Variants in CNTNAP4 observed in about 807,000 individuals in gnomAD.
CNTNAP4 encodes contactin-associated protein-like 4.
Under a neutral mutation model 148.4 loss-of-function variants are expected in CNTNAP4, and 98 were observed. That is an observed-to-expected ratio of 0.66 (90% CI 0.56 to 0.78). CNTNAP4 has a LOEUF of 0.78. CNTNAP4 is among the 30% of genes least tolerant of loss of function. The pLI is 0.00. For missense variants in CNTNAP4, 1,935 were observed against 1,565.6 expected (o/e 1.24, Z -3.98); for synonymous variants, 730 against 565.1 (o/e 1.29, Z -4.14).
In CNTNAP4 at chr16:76,277,479, GGAGA is replaced by G. The variant is rs1958519157; in HGVS notation, c.-179_-176del. 3.5e-6 allele frequency: 2 copies of G among 578,196 alleles called. No individual in the cohort carries two copies. The highest frequency in any genetic ancestry group is 6.1e-6 in the Non-Finnish European group (2 of 325,524). 35.8% of individuals were successfully genotyped at this position (578,196 alleles called of 1,614,324 possible). On this transcript the variant is annotated 5_prime_UTR_variant, in exon 1 of 24. Transcript: ENST00000611870. ...GAGACAGAGACGGGGAGAGAGAGAG[GGAGA>G]GAGAAGAGAGGGAGGAGGGAAGAAG... is the stretch of plus-strand genomic sequence containing the variant.
intron 8 of CNTNAP4, among the ~76,000 whole-genome samples, chr16:76,454,111 CTT>C (rs11302612): frequency 6.3e-4 from 82 of 130,060 alleles, no homozygotes; most frequent in South Asian, 1.4e-3. Flanking sequence ...CTATTTCTTT[CTT>C]TTTTTTTTTT....
At chr16:76,280,220 G>A (rs1043744862) in intron 1 of CNTNAP4, among the ~76,000 whole-genome samples, 1 of 152,158 alleles carries the variant, frequency 6.6e-6, no homozygotes, top group Non-Finnish European at 1.5e-5. Context: ...GCCCAAGGTT[G>A]CCAGTTTGAA....
chr16:76,453,436 C>T (rs8061892), intron 8 of CNTNAP4, among the ~76,000 whole-genome samples: 66,122 of 151,910 alleles, frequency 0.44, 14,441 homozygotes, highest in Middle Eastern at 0.49. Context: ...TAGGCCAGTG[C>T]GTTGAGTGAG....
chr16:76,525,266 G>C (rs1363916951), intron 17 of CNTNAP4, among the ~76,000 whole-genome samples: 2 of 151,624 alleles, frequency 1.3e-5, no homozygotes, highest in Non-Finnish European at 2.9e-5. Context: ...TACTGAATTA[G>C]AGTATGGTGA....
At chr16:76,307,995 A>G (rs1960679009) in intron 1 of CNTNAP4, among the ~76,000 whole-genome samples, 1 of 152,242 alleles carries the variant, frequency 6.6e-6, no homozygotes, top group African/African-American at 2.4e-5. Flanking sequence ...CTCCTATAAG[A>G]GAAAATGCAT....
In CNTNAP4 at chr16:76,507,610, G is replaced by A. The variant is rs570482807; in HGVS notation, c.2365+8916G>A. On this transcript the variant is annotated intron_variant, in intron 15 of 23. Coordinates refer to ENST00000611870, the MANE Select transcript of CNTNAP4 (RefSeq NM_033401.5). ...AAAAAAAGCACATTTTTCTATATAG[G>A]TAGTTTAAGACTCACAGCTCTAGGT... Among the ~76,000 whole-genome samples, 5 of 97,616 alleles carry A rather than the reference G, an allele frequency of 5.1e-5. 2 individuals carry two copies. The South Asian group carries it at 1.2e-3, about 23-fold the overall frequency. 64.0% of individuals were successfully genotyped at this position (97,616 alleles called of 152,430 possible).
chr16:76,476,658 C>T (rs963201947), intron 11 of CNTNAP4, among the ~76,000 whole-genome samples: 2 of 152,134 alleles, frequency 1.3e-5, no homozygotes, highest in African/African-American at 4.8e-5. Context: ...TCATAGACTT[C>T]CATCTTCTCA....
chr16:76,419,376 A>T (rs1033903018), intron 3 of CNTNAP4, among the ~76,000 whole-genome samples: 3 of 152,024 alleles, frequency 2.0e-5, no homozygotes, highest in African/African-American at 7.2e-5. Flanking sequence ...CTTCACAGTC[A>T]TTCCCTTTCC....
At chr16:76,444,299 T>C (rs1235793824) in intron 4 of CNTNAP4, among the ~76,000 whole-genome samples, 1 of 152,180 alleles carries the variant, frequency 6.6e-6, no homozygotes, top group Non-Finnish European at 1.5e-5. Flanking sequence ...TTAATTATTA[T>C]TCATTCAGTA....
intron 3 of CNTNAP4, among the ~76,000 whole-genome samples, chr16:76,419,981 C>T (rs1240612229): frequency 6.6e-6 from 1 of 151,968 alleles, no homozygotes; most frequent in Non-Finnish European, 1.5e-5. Flanking sequence ...CAAATACAGT[C>T]ACATTGTGGG....
intron 21 of CNTNAP4, 43 bp from the exon 22 acceptor site, chr16:76,553,240 C>T: frequency 4.7e-6 from 6 of 1,268,604 alleles, no homozygotes; most frequent in Non-Finnish European, 6.7e-6. Flanking sequence ...CGCCTATTTT[C>T]ACTTTTCACT....
chr16:76,418,810 C>G (rs1460740771), intron 3 of CNTNAP4, among the ~76,000 whole-genome samples: 1 of 151,198 alleles, frequency 6.6e-6, no homozygotes, highest in African/African-American at 2.4e-5. Flanking sequence ...ACAATAGAAA[C>G]TAAGACAAAT....
chr16:76,290,660 G>C (rs1959077205), intron 1 of CNTNAP4, among the ~76,000 whole-genome samples: 1 of 152,180 alleles, frequency 6.6e-6, no homozygotes, highest in South Asian at 2.1e-4. Flanking sequence ...CTTTCTGCAA[G>C]ATTGCAGCAC....
At chr16:76,522,337 A>G in intron 17 of CNTNAP4, 80 bp downstream of exon 17, 1 of 1,126,186 alleles carries the variant, frequency 8.9e-7, no homozygotes, top group Non-Finnish European at 1.3e-6. Flanking sequence ...TACCAACTAT[A>G]GAAACAAGGA....
intron 11 of CNTNAP4, 150 bp downstream of exon 11, chr16:76,476,195 G>T: frequency 1.8e-6 from 1 of 553,376 alleles, no homozygotes; most frequent in Non-Finnish European, 3.2e-6. Flanking sequence ...CGTCAAGATA[G>T]CCTATAAAAG....
rs566673365 is a variant in CNTNAP4, at chr16:76,380,872, C to T, written c.390+25361C>T. 2.0e-5 allele frequency among the ~76,000 whole-genome samples: 3 copies of T among 152,208 alleles called. No individual in the cohort carries two copies. In the East Asian group the frequency reaches 5.8e-4, roughly 29 times the overall value. ...CACACCACAAGCATCAATATGTGTA[C>T]CTTAGAATGCCAAGAAAAAATTATG... On this transcript the variant is annotated intron_variant, in intron 3 of 23. Coordinates refer to ENST00000611870, the MANE Select transcript of CNTNAP4 (RefSeq NM_033401.5).
intron 4 of CNTNAP4, 23 bp from the exon 5 acceptor site, chr16:76,447,989 C>G (rs764176578): frequency 6.6e-7 from 1 of 1,526,334 alleles, no homozygotes; most frequent in South Asian, 1.1e-5. Flanking sequence ...CCTTAGAATG[C>G]CTTCTACTAT....
At chr16:76,501,986 G>A (rs958045557) in intron 15 of CNTNAP4, among the ~76,000 whole-genome samples, 1 of 151,380 alleles carries the variant, frequency 6.6e-6, no homozygotes, top group African/African-American at 2.4e-5. Flanking sequence ...GGAGAATGGC[G>A]TGAACCTGGG....
chr16:76,445,508 G>T (rs72797055), intron 4 of CNTNAP4, among the ~76,000 whole-genome samples: 458 of 152,266 alleles, frequency 3.0e-3, no homozygotes, highest in Non-Finnish European at 4.5e-3. Flanking sequence ...CAAGGAGACA[G>T]TAAGAATGAC....
Sources: gnomAD v4.1 joint callset for allele counts (sites outside exome capture counted in the v4.1 genomes callset) on GRCh38, gnomAD v4.1.1 for gene constraint, MANE v1.5 for transcripts, NCBI Gene and HGNC (gene_info 2026-07-23, HGNC 2026-07-21) for gene names.